The following ZGRF1 variants were observed in gnomAD, a reference collection of about 807,000 sequenced individuals.
The protein encoded by ZGRF1 is zinc finger GRF-type containing 1.
A neutral mutation model predicts 203.5 loss-of-function variants in ZGRF1; 196 were observed. The observed-to-expected ratio is 0.96, with a 90% confidence interval of 0.86 to 1.08. ZGRF1 has a LOEUF of 1.08. Ranked by LOEUF, ZGRF1 falls within the 50% of genes least tolerant of loss-of-function variation. The pLI, the probability that ZGRF1 is intolerant of heterozygous loss-of-function variation, is 0.00. For synonymous variants in ZGRF1, 809 were observed against 841.3 expected, an observed-to-expected ratio of 0.96 and a Z score of 0.66; for missense variants, 2,326 against 2,416.3, an observed-to-expected ratio of 0.96 and a Z score of 0.78.
chr4:112,570,797 A>G (rs1167452682), intron 16 of ZGRF1, among the ~76,000 whole-genome samples: 1 of 152,164 alleles, frequency 6.6e-6, no homozygotes, highest in Non-Finnish European at 1.5e-5. Flanking sequence ...AATGAAAAAA[A>G]TACTTCAGCA....
At chr4:112,553,688 AAGGATCCACATGC>A in intron 22 of ZGRF1, 134 bp downstream of exon 22, 1 of 646,678 alleles carries the variant, frequency 1.5e-6, no homozygotes, top group Non-Finnish European at 2.4e-6. Context: ...GACTATATCC[AAGGATCCACATGC>A]ATGCACCTTA....
intron 19 of ZGRF1, 50 bp from the exon 20 acceptor site, chr4:112,558,359 TTC>T (rs1207478957): frequency 1.5e-6 from 2 of 1,360,170 alleles, no homozygotes; most frequent in Admixed American, 3.5e-5. Flanking sequence ...ATAAATAAAT[TTC>T]TTTTTTCTTT....
rs112040728 is a variant in ZGRF1, at chr4:112,585,107, A to G, written c.4101+434T>C. ...TTCCTCCTATTTTATCAATTACAGA[A>G]GTATGTAAAATTTTCAGCTGGGCAC... On this transcript the variant is annotated intron_variant, in intron 14 of 27. Transcript: ENST00000505019. 6.9e-3 allele frequency among the ~76,000 whole-genome samples: 1,053 copies of G among 152,226 alleles called. 23 individuals are homozygous for G. The highest frequency in any genetic ancestry group is 0.024 in the African/African-American group (1,012 of 41,528).
At chr4:112,552,290 A>C (rs35063522) in intron 22 of ZGRF1, among the ~76,000 whole-genome samples, 4 of 151,062 alleles carry the variant, frequency 2.6e-5, no homozygotes, top group African/African-American at 9.7e-5. Context: ...AAAAAAAAAA[A>C]AGAAAGAAAG....
rs1741853182 is a variant in ZGRF1 at position 112,560,939 on chromosome 4, G to T, written c.4754C>A (p.Pro1585Gln). 1 of 1,611,560 alleles carries T rather than the reference G, an allele frequency of 6.2e-7. No homozygotes were observed. Among genetic ancestry groups the T allele is most frequent in the African/African-American group, 1.3e-5 (1 of 74,842 alleles). The change falls in exon 19 of 28, where the codon CCA becomes CAA. Residue 1585 changes from proline to glutamine, a missense_variant. Transcript: ENST00000505019. The part of the protein sequence containing the change: ...KRVSKRKFIP[P>Q]AFTNVSTKFE... ...TTTTGTACTGACATTTGTGAAGGCT[G>T]GTGGGATAAATTTTCTCTTACTGAC...
intron 19 of ZGRF1, among the ~76,000 whole-genome samples, chr4:112,558,915 G>T (rs1454863778): frequency 3.9e-5 from 6 of 152,184 alleles, no homozygotes; most frequent in Non-Finnish European, 8.8e-5. Context: ...TTTTGATGGA[G>T]GTGGGAGTAC....
intron 6 of ZGRF1, 115 bp downstream of exon 6, chr4:112,617,325 T>A: frequency 1.4e-6 from 1 of 697,926 alleles, no homozygotes; most frequent in Non-Finnish European, 2.3e-6. Flanking sequence ...GTACATGTAT[T>A]ACCTATTTAA....
intron 10 of ZGRF1, among the ~76,000 whole-genome samples, chr4:112,599,096 A>T (rs1484108244): frequency 6.6e-6 from 1 of 152,158 alleles, no homozygotes; most frequent in African/African-American, 2.4e-5. Context: ...GTGGAAAAAA[A>T]TGACAAAGGG....
intron 1 of ZGRF1, chr4:112,636,644 T>C (rs188481857): frequency 6.6e-6 from 1 of 152,178 alleles, no homozygotes; most frequent in East Asian, 1.9e-4. Context: ...TCATACCTAC[T>C]CGAAATTGCA....
At chr4:112,545,186 T>C (rs539325384) in intron 24 of ZGRF1, among the ~76,000 whole-genome samples, 48 of 151,436 alleles carry the variant, frequency 3.2e-4, no homozygotes, top group African/African-American at 1.1e-3. Context: ...AAAAACACTA[T>C]TAAAGTGAAA....
chr4:112,606,175 A>T, intron 8 of ZGRF1, 84 bp from the exon 9 acceptor site: 1 of 915,740 alleles, frequency 1.1e-6, no homozygotes, highest in Non-Finnish European at 1.7e-6. Context: ...AATAATTGCA[A>T]AACTTAAGTT....
intron 21 of ZGRF1, 48 bp downstream of exon 21, chr4:112,554,657 A>G: frequency 1.1e-6 from 1 of 901,096 alleles, no homozygotes; most frequent in Non-Finnish European, 1.8e-6. Context: ...TAAAAGTACC[A>G]TACTTCCCTC....
chr4:112,558,515 G>A (rs1272821100), intron 19 of ZGRF1, among the ~76,000 whole-genome samples: 2 of 152,108 alleles, frequency 1.3e-5, no homozygotes, highest in Non-Finnish European at 2.9e-5. Context: ...TTACCGGCGT[G>A]CACCACCACA....
chr4:112,588,478 G>C (rs566603748), intron 11 of ZGRF1, among the ~76,000 whole-genome samples: 1 of 152,154 alleles, frequency 6.6e-6, no homozygotes, highest in East Asian at 1.9e-4. Context: ...AGTAAAAAAA[G>C]ATTTTAGCTT....
intron 10 of ZGRF1, among the ~76,000 whole-genome samples, chr4:112,598,644 AAAT>A (rs1268081719): frequency 8.6e-5 from 13 of 152,000 alleles, no homozygotes; most frequent in Non-Finnish European, 1.2e-4. Flanking sequence ...ATTAATAATA[AAAT>A]AATGTTTTTA....
At chr4:112,605,904 C>T in intron 9 of ZGRF1, 104 bp downstream of exon 9, 2 of 755,884 alleles carry the variant, frequency 2.6e-6, no homozygotes, top group Non-Finnish European at 4.6e-6. Flanking sequence ...TGCTACTAAC[C>T]TTCTGCCTGT....
At chr4:112,596,419 T>G (rs1749020288) in intron 10 of ZGRF1, among the ~76,000 whole-genome samples, 2 of 152,034 alleles carry the variant, frequency 1.3e-5, no homozygotes, top group Admixed American at 6.6e-5. Context: ...GATAGAAGAT[T>G]CGAGAAAGAA....
Position 112,554,210 on chromosome 4 carries a change from C to A in ZGRF1, c.5199-228G>T, listed in dbSNP as rs191891856. Among the ~76,000 whole-genome samples, 11 of 125,230 alleles carry A rather than the reference C, an allele frequency of 8.8e-5. No individual in the cohort carries two copies. The East Asian group carries it at 2.2e-3, about 26-fold the overall frequency. The allele number at this position is 125,230 out of a possible 152,430, so 82.2% of individuals were successfully genotyped here. A position where few individuals can be genotyped will look rare whatever the true frequency, so the allele number is the denominator to read the frequency against. ...TAATGCTATCCCTCCCCCCTCCCCC[C>A]ACCCACAACACGCCCCAGTGTGTGA... On this transcript the variant is annotated intron_variant, in intron 21 of 27. Transcript: ENST00000505019.
chr4:112,558,053 C>A (rs1027324485), intron 20 of ZGRF1, 97 bp downstream of exon 20: 5 of 963,494 alleles, frequency 5.2e-6, no homozygotes, highest in Middle Eastern at 2.1e-4. Context: ...CTTGGCATAA[C>A]CAGCAAGAGT....
Sources: allele counts gnomAD v4.1 joint callset (sites outside exome capture counted in the v4.1 genomes callset), GRCh38; gene constraint gnomAD v4.1.1; transcripts MANE v1.5; gene names NCBI Gene and HGNC (gene_info 2026-07-23, HGNC 2026-07-21).